PCDHGA11: variants seen among roughly 807,000 people sequenced by gnomAD.
The protein encoded by PCDHGA11 is protocadherin gamma-A11.
PCDHGA11 carries 39 observed loss-of-function variants against 60.4 expected under a neutral mutation model. The ratio of observed to expected loss-of-function variants is 0.65; its 90% confidence interval spans 0.50 to 0.84. The LOEUF (loss-of-function observed/expected upper bound fraction) is 0.84. Ranked by LOEUF, PCDHGA11 falls within the 40% of genes least tolerant of loss-of-function variation. The probability of loss-of-function intolerance (pLI) is 0.00; values close to 1 mark genes in which losing one functional copy is unlikely to be tolerated. For missense variants in PCDHGA11, 1,165 were observed against 1,197.7 expected (o/e 0.97, Z 0.40); for synonymous variants, 533 against 510.3 (o/e 1.04, Z -0.60).
At chr5:141,497,969 C>T (rs1595499086) in intron 2 of PCDHGA11, among the ~76,000 whole-genome samples, 1 of 152,160 alleles carries the variant, frequency 6.6e-6, no homozygotes. Flanking sequence ...GCAGTGTTCT[C>T]GATGTGGGAG....
intron 1 of PCDHGA11, among the ~76,000 whole-genome samples, chr5:141,450,968 G>A (rs756891993): frequency 5.5e-4 from 84 of 151,848 alleles, no homozygotes; most frequent in Non-Finnish European, 9.0e-4. Context: ...GGGATTACAG[G>A]CATGTGCCAC....
chr5:141,446,188 T>G (rs566309564), intron 1 of PCDHGA11, among the ~76,000 whole-genome samples: 28 of 152,326 alleles, frequency 1.8e-4, no homozygotes, highest in African/African-American at 6.3e-4. Context: ...TTTTGTTTAT[T>G]ATTATATTCC....
intron 1 of PCDHGA11, among the ~76,000 whole-genome samples, chr5:141,435,951 G>C (rs371199258): frequency 3.9e-5 from 6 of 152,100 alleles, no homozygotes; most frequent in African/African-American, 1.4e-4. Flanking sequence ...ACCAAAAAAG[G>C]GGGCAAAATA....
At chr5:141,467,103 AGTACAATG>A (rs1438695307) in intron 1 of PCDHGA11, among the ~76,000 whole-genome samples, 1 of 147,462 alleles carries the variant, frequency 6.8e-6, no homozygotes, top group East Asian at 2.0e-4. Flanking sequence ...CACAGGCTGG[AGTACAATG>A]GTGCAATCTC....
intron 1 of PCDHGA11, chr5:141,478,025 A>G (rs939969624): frequency 1.9e-6 from 3 of 1,614,146 alleles, no homozygotes; most frequent in Non-Finnish European, 2.5e-6. Flanking sequence ...AGTCCAAGAC[A>G]CAGATTCACC....
intron 1 of PCDHGA11, among the ~76,000 whole-genome samples, chr5:141,484,023 G>A (rs67828357): frequency 0.059 from 8,857 of 150,044 alleles, 313 homozygotes; most frequent in South Asian, 0.11. Context: ...GGTGGGGTGA[G>A]ATCAAGTCTC....
chr5:141,509,447 C>T (rs898280593), intron 3 of PCDHGA11, among the ~76,000 whole-genome samples: 2 of 152,128 alleles, frequency 1.3e-5, no homozygotes, highest in Admixed American at 6.5e-5. Context: ...CCTCCTCTCC[C>T]ACCCCCGACC....
chr5:141,502,634 T>C (rs1306951640), intron 2 of PCDHGA11, among the ~76,000 whole-genome samples: 1 of 152,228 alleles, frequency 6.6e-6, no homozygotes. Flanking sequence ...CTGTGGATGA[T>C]ACTTTGAGAT....
In PCDHGA11 at chr5:141,422,503, A is replaced by G. The variant is rs2096653107; in HGVS notation, c.1276A>G (p.Thr426Ala). Residue 426 changes from threonine (T) to alanine (A), a missense_variant, in exon 1 of 4, where the codon ACA becomes GCA. Coordinates refer to ENST00000398587, the MANE Select transcript of PCDHGA11 (RefSeq NM_018914.3). ...GAGCTACAATATAACGTTGACAGCC[A>G]CAGACCAGGGAAGCCCGCCTTTGTC... is the stretch of plus-strand genomic sequence containing the variant. ...VQSYNITLTA[T>A]DQGSPPLSAE... The G allele has an allele frequency of 1.2e-6, 2 of 1,613,924 alleles. No homozygotes were observed. The highest frequency in any genetic ancestry group is 1.7e-6 in the Non-Finnish European group (2 of 1,179,898).
chr5:141,427,425 AC>A (rs1184817093), intron 1 of PCDHGA11: 2 of 469,034 alleles, frequency 4.3e-6, no homozygotes, highest in Non-Finnish European at 8.5e-6. Flanking sequence ...TGGGGAGGTT[AC>A]ATGCCTCATA....
In PCDHGA11 at chr5:141,487,472, G is replaced by A. The variant is rs2099645737; in HGVS notation, c.2434-7335G>A. The A allele has an allele frequency of 2.5e-6, 4 of 1,614,178 alleles. No individual in the cohort carries two copies. Among genetic ancestry groups the A allele is most frequent in the Non-Finnish European group, 3.4e-6 (4 of 1,180,036 alleles). Reference sequence around the variant, plus strand: ...CCCTATCAAGTTTGTTGATGTGGGAGGCCACTCTCATGGCTGTACACCCTT... The same window carrying A: ...CCCTATCAAGTTTGTTGATGTGGGAAGCCACTCTCATGGCTGTACACCCTT... On this transcript the variant is annotated intron_variant, in intron 1 of 3. Coordinates refer to ENST00000398587, the MANE Select transcript of PCDHGA11 (RefSeq NM_018914.3). This position sits in a 1 kb window ranked among gnomAD's most constrained non-coding sequence, Gnocchi z 5.0.
At chr5:141,473,283 A>G (rs2099318531) in intron 1 of PCDHGA11, among the ~76,000 whole-genome samples, 1 of 152,324 alleles carries the variant, frequency 6.6e-6, no homozygotes, top group Non-Finnish European at 1.5e-5. Flanking sequence ...TTATTTTACT[A>G]TGTCAGTAGC....
At chr5:141,462,071 C>T (rs1473972601) in intron 1 of PCDHGA11, among the ~76,000 whole-genome samples, 1 of 152,214 alleles carries the variant, frequency 6.6e-6, no homozygotes, top group African/African-American at 2.4e-5. Context: ...GATCTGCCCG[C>T]CTTGGCCTCC....
chr5:141,422,545 T>C lies in PCDHGA11; in HGVS notation c.1318T>C (p.Trp440Arg). ...GCCTTTGTCTGCAGAAACTCATGTC[T>C]GGCTGAATGTGGCAGATGACAACGA... is the stretch of plus-strand genomic sequence containing the variant. ...SPPLSAETHV[W>R]LNVADDNDNP... Residue 440 changes from tryptophan (W) to arginine (R), a missense_variant, in exon 1 of 4, where the codon TGG (tryptophan) becomes CGG (arginine). Physicochemically the swap from Trp to Arg is moderately radical, Grantham distance 101 (BLOSUM62 -3). Transcript: ENST00000398587. The C allele has an allele frequency of 6.2e-7, 1 of 1,614,000 alleles. No individual in the cohort carries two copies. The highest frequency in any genetic ancestry group is 8.5e-7 in the Non-Finnish European group (1 of 1,179,902).
chr5:141,503,024 A>G (rs574653661), intron 2 of PCDHGA11, among the ~76,000 whole-genome samples: 2 of 150,210 alleles, frequency 1.3e-5, no homozygotes, highest in South Asian at 2.1e-4. Context: ...TTTTTTTTTA[A>G]TATCTATTTT....
At chr5:141,461,013 C>G (rs981329088) in intron 1 of PCDHGA11, among the ~76,000 whole-genome samples, 2 of 148,522 alleles carry the variant, frequency 1.3e-5, no homozygotes, top group Non-Finnish European at 3.0e-5. Flanking sequence ...ATATATATAC[C>G]ACATTTTCTT....
intron 1 of PCDHGA11, among the ~76,000 whole-genome samples, chr5:141,492,886 C>A (rs1479930324): frequency 6.6e-6 from 1 of 152,178 alleles, no homozygotes; most frequent in African/African-American, 2.4e-5. Context: ...GAGATACAGG[C>A]TTTTGGCGCC....
intron 2 of PCDHGA11, among the ~76,000 whole-genome samples, chr5:141,503,222 G>A (rs540244346): frequency 2.2e-4 from 34 of 152,120 alleles, no homozygotes; most frequent in African/African-American, 7.7e-4. Context: ...CATGAGCACC[G>A]TAAAGATGGA....
At chr5:141,433,084 T>G in intron 1 of PCDHGA11, 1 of 1,614,184 alleles carries the variant, frequency 6.2e-7, no homozygotes, top group Non-Finnish European at 8.5e-7. Flanking sequence ...AGCCCAACTA[T>G]GCAGACATGC....
Sources: allele counts gnomAD v4.1 joint callset (sites outside exome capture counted in the v4.1 genomes callset), GRCh38; gene constraint gnomAD v4.1.1; non-coding constraint Gnocchi (gnomAD v3.1); transcripts MANE v1.5; gene names NCBI Gene and HGNC (gene_info 2026-07-23, HGNC 2026-07-21).